ERC2: variants seen among roughly 807,000 people sequenced by gnomAD.
ERC2 encodes ERC protein 2.
A neutral mutation model predicts 114.8 loss-of-function variants in ERC2; 42 were observed. The observed-to-expected ratio is 0.37, with a 90% confidence interval of 0.29 to 0.47. The LOEUF (loss-of-function observed/expected upper bound fraction) is 0.47. ERC2 is among the 20% of genes least tolerant of loss of function. The pLI is 0.99. For synonymous variants in ERC2, 454 were observed against 425.5 expected, an observed-to-expected ratio of 1.07 and a Z score of -0.82; for missense variants, 939 against 1,150.7, an observed-to-expected ratio of 0.82 and a Z score of 2.66.
Position 56,281,306 on chromosome 3 carries a change from G to A in ERC2, c.1074+14713C>T, listed in dbSNP as rs370745097. 1.4e-4 allele frequency among the ~76,000 whole-genome samples: 20 copies of A among 147,772 alleles called. No homozygotes were observed. In the South Asian group the frequency reaches 4.0e-3, roughly 30 times the overall value. ...CAAAAAATTAGCCGGGCGTAGTGGC[G>A]GGCGCCTGTAGTCCCAGCTACTTGG... On this transcript the variant is annotated intron_variant, in intron 3 of 17. Transcript: ENST00000288221.
At chr3:55,791,865 C>T (rs541613623) in intron 14 of ERC2, among the ~76,000 whole-genome samples, 134 of 151,932 alleles carry the variant, frequency 8.8e-4, no homozygotes, top group African/African-American at 3.0e-3. Flanking sequence ...GGGGAAAAAA[C>T]ATGGAAAAAT....
chr3:56,243,988 C>T (rs4974128), intron 3 of ERC2, among the ~76,000 whole-genome samples: 35,982 of 151,982 alleles, frequency 0.24, 4,978 homozygotes, highest in Non-Finnish European at 0.3. Context: ...AACTGTGAAA[C>T]GCCTGGGATG....
chr3:55,936,448 A>G (rs1213755119), intron 13 of ERC2, among the ~76,000 whole-genome samples: 1 of 152,248 alleles, frequency 6.6e-6, no homozygotes, highest in African/African-American at 2.4e-5. Context: ...AAATAACTGT[A>G]CATTATTATT....
Position 55,950,545 on chromosome 3 carries a change from C to A in ERC2, c.2283G>T (p.Gln761His). 6.2e-7 allele frequency: 1 copy of A among 1,613,988 alleles called. No individual in the cohort carries two copies. The highest frequency in any genetic ancestry group is 8.5e-7 in the Non-Finnish European group (1 of 1,179,896). Residue 761 changes from glutamine (Q) to histidine (H), a missense_variant, in exon 13 of 18, where the codon CAG becomes CAT. Physicochemically the swap from Gln to His is conservative, Grantham distance 24. Around this residue, in one of 5 missense-constraint regions of ERC2, gnomAD observed 328 missense variants for 353.9 expected, o/e 0.93. Coordinates refer to ENST00000288221, the MANE Select transcript of ERC2 (RefSeq NM_015576.3). ...ESLTLRHMKD[Q>H]NKKVANLKHN... ...GCTTGAGGTTGGCCACCTTCTTATT[C>A]TGATCTTTCATATGCCTGAGAAAAG...
intron 3 of ERC2, among the ~76,000 whole-genome samples, chr3:56,253,487 T>G (rs2052318201): frequency 6.6e-6 from 1 of 152,240 alleles, no homozygotes; most frequent in Admixed American, 6.5e-5. Flanking sequence ...CTTCCAGAAG[T>G]GGAGTTACGG....
intron 13 of ERC2, among the ~76,000 whole-genome samples, chr3:55,941,233 G>A (rs1383633259): frequency 3.3e-5 from 5 of 152,076 alleles, no homozygotes; most frequent in African/African-American, 1.2e-4. Context: ...GCGTGTACCT[G>A]CCATGGGTGT....
At chr3:56,130,457 C>A (rs918667550) in intron 6 of ERC2, among the ~76,000 whole-genome samples, 1 of 152,152 alleles carries the variant, frequency 6.6e-6, no homozygotes, top group Admixed American at 6.5e-5. Context: ...TAGACATTTA[C>A]GTATTTCACA....
At chr3:55,837,775 C>G (rs2060963191) in intron 14 of ERC2, among the ~76,000 whole-genome samples, 1 of 151,394 alleles carries the variant, frequency 6.6e-6, no homozygotes. Flanking sequence ...CAGAACCCGC[C>G]AGAGTAAATT....
intron 3 of ERC2, among the ~76,000 whole-genome samples, chr3:56,205,785 A>G (rs1053645390): frequency 5.3e-5 from 8 of 152,308 alleles, no homozygotes; most frequent in Admixed American, 4.6e-4. Context: ...CTGGAGAATC[A>G]ATAGCTGGTA....
intron 3 of ERC2, among the ~76,000 whole-genome samples, chr3:56,233,260 A>G (rs2050741676): frequency 6.6e-6 from 1 of 152,226 alleles, no homozygotes; most frequent in African/African-American, 2.4e-5. Flanking sequence ...TCACCATTGT[A>G]TTAATTTCCT....
At chr3:56,208,043 C>T (rs559764927) in intron 3 of ERC2, among the ~76,000 whole-genome samples, 2 of 152,324 alleles carry the variant, frequency 1.3e-5, no homozygotes, top group South Asian at 4.1e-4. Context: ...TGCAAACTAG[C>T]TGGCAACACA....
At chr3:56,344,369 C>A (rs1475290922) in intron 2 of ERC2, among the ~76,000 whole-genome samples, 1 of 152,164 alleles carries the variant, frequency 6.6e-6, no homozygotes, top group Non-Finnish European at 1.5e-5. Flanking sequence ...ACTGAGAGAA[C>A]CTAACAGCGA....
chr3:56,002,230 G>A (rs911063689), intron 10 of ERC2, among the ~76,000 whole-genome samples: 4 of 152,076 alleles, frequency 2.6e-5, no homozygotes, highest in East Asian at 1.9e-4. Context: ...AAAGTTGTGG[G>A]TGCAATTGTT....
chr3:55,989,450 C>T (rs975153190), intron 11 of ERC2, among the ~76,000 whole-genome samples: 7 of 152,286 alleles, frequency 4.6e-5, no homozygotes, highest in Middle Eastern at 3.4e-3. Context: ...GCCATCTAAG[C>T]GTGAAGCACA....
chr3:56,082,356 T>C (rs922499104), intron 6 of ERC2, among the ~76,000 whole-genome samples: 6 of 152,116 alleles, frequency 3.9e-5, no homozygotes, highest in African/African-American at 1.2e-4. Flanking sequence ...ATATGAAGCA[T>C]TGATTGATCT....
chr3:55,521,975 C>T (rs955112178), intron 17 of ERC2, among the ~76,000 whole-genome samples: 1 of 152,198 alleles, frequency 6.6e-6, no homozygotes, highest in African/African-American at 2.4e-5. Context: ...CAAGGATGGC[C>T]TGCTGAAGAC....
intron 14 of ERC2, among the ~76,000 whole-genome samples, chr3:55,845,406 A>AG (rs1446415651): frequency 7.0e-6 from 1 of 143,882 alleles, no homozygotes; most frequent in Non-Finnish European, 1.5e-5. Context: ...TGGGAGGCTG[A>AG]GGCAGGAGAA....
rs2067422116 is a variant in ERC2, at chr3:55,950,471, A to G, written c.2357T>C (p.Val786Ala). 4 of 1,614,000 alleles carry G rather than the reference A, an allele frequency of 2.5e-6. No homozygotes were observed. Among genetic ancestry groups the G allele is most frequent in the African/African-American group, 1.3e-5 (1 of 75,044 alleles). The part of the protein sequence containing the change: ...KKKNAQLLEE[V>A]RRREDSMADN... The stretch of plus-strand genomic sequence containing the variant: ...AGCCATGCTGTCTTCTCGCCTGCGC[A>G]CTTCTTCTAGTAACTGAGCATTTTT... Residue 786 changes from valine (V) to alanine (A), a missense_variant, in exon 13 of 18, where the codon GTG becomes GCG. By Grantham distance (64) the Val-to-Ala change is moderately conservative (BLOSUM62 0). Around this residue, in one of 5 missense-constraint regions of ERC2, gnomAD observed 328 missense variants for 353.9 expected, o/e 0.93. Transcript: ENST00000288221.
chr3:55,725,528 T>G (rs9815682), intron 15 of ERC2, among the ~76,000 whole-genome samples: 77,826 of 151,978 alleles, frequency 0.51, 20,739 homozygotes, highest in South Asian at 0.69. Flanking sequence ...AAATAGCACT[T>G]TGTCCTATTT....
Sources: allele counts gnomAD v4.1 joint callset (sites outside exome capture counted in the v4.1 genomes callset), GRCh38; gene constraint gnomAD v4.1.1; regional missense constraint gnomAD v4.1.1; transcripts MANE v1.5; gene names NCBI Gene and HGNC (gene_info 2026-07-23, HGNC 2026-07-21).